Variants in FHAD1 observed in about 807,000 individuals in gnomAD.
FHAD1 encodes the protein forkhead-associated domain-containing protein 1.
A neutral mutation model predicts 191.3 loss-of-function variants in FHAD1; 146 were observed. The ratio of observed to expected loss-of-function variants is 0.76; its 90% confidence interval spans 0.67 to 0.88. FHAD1 has a LOEUF of 0.88. Among genes scored for constraint, FHAD1 ranks in the 40% least tolerant of loss-of-function variants. The pLI, the probability that FHAD1 is intolerant of heterozygous loss-of-function variation, is 0.00. For missense variants in FHAD1, 1,635 were observed against 1,785.8 expected (o/e 0.92, Z 1.52); for synonymous variants, 616 against 672.3 (o/e 0.92, Z 1.29).
At chr1:15,370,365 G>T (rs1014184474) in intron 26 of FHAD1, among the ~76,000 whole-genome samples, 5 of 152,304 alleles carry the variant, frequency 3.3e-5, no homozygotes, top group Middle Eastern at 3.4e-3. Flanking sequence ...TTACATAACA[G>T]TATTTAATGG....
In FHAD1 at chr1:15,301,222, G is replaced by T; in HGVS notation, c.696G>T (p.Leu232=). ...AQQDKDEIIL[L]LGKEVSRLSD... ...CTACCCAGGATGAAATAATTCTGCTGCTGGGAAAAGAGGTCAGCCGTCTCT... is the reference window on the plus strand; with the variant it reads ...CTACCCAGGATGAAATAATTCTGCTTCTGGGAAAAGAGGTCAGCCGTCTCT... The change falls in exon 6 of 34, where the codon CTG becomes CTT. Residue 232 remains leucine, a synonymous_variant. Transcript: ENST00000688493. 6.4e-7 allele frequency: 1 copy of T among 1,551,684 alleles called. No homozygotes were observed. The highest frequency in any genetic ancestry group is 8.7e-7 in the Non-Finnish European group (1 of 1,147,000).
At chr1:15,366,713 G>A (rs907938321) in intron 24 of FHAD1, among the ~76,000 whole-genome samples, 2 of 152,216 alleles carry the variant, frequency 1.3e-5, no homozygotes, top group African/African-American at 2.4e-5. Context: ...ACATGGACAT[G>A]AGTGGCCCCT....
downstream of FHAD1, chr1:15,400,081 C>T (rs538950472): frequency 6.6e-6 from 1 of 152,376 alleles, no homozygotes; most frequent in Admixed American, 6.5e-5. Flanking sequence ...TCTCCTTTCT[C>T]ACTCCTGGAG....
At chr1:15,361,778 C>T (rs900888087) in intron 22 of FHAD1, among the ~76,000 whole-genome samples, 8 of 150,568 alleles carry the variant, frequency 5.3e-5, no homozygotes, top group Non-Finnish European at 1.0e-4. Context: ...AGGCCGAGGC[C>T]GGCGGATCAC....
chr1:15,341,968 T>C, intron 16 of FHAD1, 80 bp downstream of exon 16: 1 of 1,284,608 alleles, frequency 7.8e-7, no homozygotes, highest in African/African-American at 1.5e-5. Context: ...GGGCATGTAC[T>C]TAGACAGAGA....
intron 2 of FHAD1, among the ~76,000 whole-genome samples, chr1:15,256,996 C>T (rs1648510965): frequency 6.6e-6 from 1 of 152,238 alleles, no homozygotes; most frequent in African/African-American, 2.4e-5. Context: ...TCTAACACAA[C>T]AGAACCATCC....
intron 3 of FHAD1, among the ~76,000 whole-genome samples, chr1:15,280,951 T>C (rs1573936046): frequency 6.6e-6 from 1 of 152,222 alleles, no homozygotes; most frequent in Non-Finnish European, 1.5e-5. Context: ...CCTTTTTGAA[T>C]AGCTCAAAGG....
chr1:15,355,581 C>T (rs1287336599), intron 20 of FHAD1, among the ~76,000 whole-genome samples: 1 of 152,214 alleles, frequency 6.6e-6, no homozygotes, highest in Non-Finnish European at 1.5e-5. Flanking sequence ...GGCAGCTTCA[C>T]AGCTCTTCAA....
At position 15,329,244 on chromosome 1, in the gene FHAD1, C is replaced by T. The variant is rs1481332589; in HGVS notation, c.1711-102C>T. On this transcript the variant is annotated intron_variant, in intron 13 of 33. Coordinates refer to ENST00000688493, the MANE Select transcript of FHAD1 (RefSeq NM_001391957.1). This position sits in a 1 kb window ranked among gnomAD's most constrained non-coding sequence, Gnocchi z 5.0. ...CCAAGGCGGCCAATACGTGGCGCTG[C>T]CTGCTTCGTGGCAGAGTCAAGAACG... The T allele has an allele frequency of 2.1e-6, 2 of 973,032 alleles. No homozygotes were observed. Among genetic ancestry groups the T allele is most frequent in the Non-Finnish European group, 2.9e-6 (2 of 685,698 alleles). The allele number at this position is 973,032 out of a possible 1,614,324, so 60.3% of individuals were successfully genotyped here.
chr1:15,249,608 C>T (rs998321431), intron 1 of FHAD1, among the ~76,000 whole-genome samples: 1 of 152,182 alleles, frequency 6.6e-6, no homozygotes, highest in Non-Finnish European at 1.5e-5. Context: ...TCGGAATTTA[C>T]AAACATAAAC....
At position 15,324,487 on chromosome 1, in the gene FHAD1, A is replaced by T; in HGVS notation, c.1401A>T (p.Lys467Asn). The T allele has an allele frequency of 6.4e-7, 1 of 1,552,244 alleles. No homozygotes were observed. The highest frequency in any genetic ancestry group is 8.7e-7 in the Non-Finnish European group (1 of 1,147,082). Residue 467 changes from lysine (K) to asparagine (N), a missense_variant, in exon 11 of 34, where the codon AAA becomes AAT. Coordinates refer to ENST00000688493, the MANE Select transcript of FHAD1 (RefSeq NM_001391957.1). ...EEKLQEDSRR[K>N]LLQLQEMGNR... ...AGCTTCAGGAGGATTCCAGAAGGAA[A>T]TTGCTTCAGCTGCAAGAAATGGGGA...
intron 3 of FHAD1, among the ~76,000 whole-genome samples, chr1:15,278,748 A>G (rs1349030374): frequency 6.6e-6 from 1 of 152,096 alleles, no homozygotes; most frequent in African/African-American, 2.4e-5. Context: ...TGCTGGGATT[A>G]CCCGCCTTCA....
At chr1:15,251,066 G>A (rs1646710242) in intron 1 of FHAD1, among the ~76,000 whole-genome samples, 1 of 152,048 alleles carries the variant, frequency 6.6e-6, no homozygotes, top group Non-Finnish European at 1.5e-5. Context: ...CAAGGCAGGA[G>A]GATTACTTGA....
At chr1:15,388,985 C>A (rs1703083080) in intron 32 of FHAD1, among the ~76,000 whole-genome samples, 1 of 152,134 alleles carries the variant, frequency 6.6e-6, no homozygotes, top group Non-Finnish European at 1.5e-5. Flanking sequence ...CTCTGCTCTC[C>A]AGTGCTCAGG....
At chr1:15,378,057 A>G (rs12087665) in intron 28 of FHAD1, among the ~76,000 whole-genome samples, 11,582 of 152,094 alleles carry the variant, frequency 0.076, 1,424 homozygotes, top group African/African-American at 0.26. Flanking sequence ...TAATCCCAAC[A>G]CTTTGGGAGG....
At chr1:15,372,316 G>A (rs1241522858) in intron 26 of FHAD1, among the ~76,000 whole-genome samples, 1 of 152,312 alleles carries the variant, frequency 6.6e-6, no homozygotes, top group East Asian at 1.9e-4. Context: ...CTGTTCCCCT[G>A]GTGGCAGTGT....
Position 15,382,087 on chromosome 1 carries a change from T to C in FHAD1, c.4082T>C (p.Ile1361Thr), listed in dbSNP as rs150415954. The C allele has an allele frequency of 8.4e-5, 131 of 1,552,072 alleles. No individual in the cohort carries two copies. In the East Asian group the frequency reaches 1.4e-3, roughly 16 times the overall value. The change falls in exon 31 of 34, where the codon ATC becomes ACC. Residue 1361 changes from isoleucine (I) to threonine (T), a missense_variant. By Grantham distance (89) the Ile-to-Thr change is moderately conservative. Coordinates refer to ENST00000688493, the MANE Select transcript of FHAD1 (RefSeq NM_001391957.1). ...CAGGTGGCAAAGCTGGAGGATGATA[T>C]CTACAAAGAGGCCGAAGAGAAGGCC... ...QSQVAKLEDD[I>T]YKEAEEKALL...
chr1:15,368,768 C>T (rs772326784), intron 25 of FHAD1, among the ~76,000 whole-genome samples: 1 of 152,236 alleles, frequency 6.6e-6, no homozygotes, highest in African/African-American at 2.4e-5. Flanking sequence ...ATAGTGAAAC[C>T]CTGTCTCTAC....
At chr1:15,340,031 G>A (rs1685894871) in intron 15 of FHAD1, among the ~76,000 whole-genome samples, 1 of 152,036 alleles carries the variant, frequency 6.6e-6, no homozygotes, top group African/African-American at 2.4e-5. Flanking sequence ...TCATTATGTT[G>A]GCCAGGCTGG....
Sources: gnomAD v4.1 joint callset for allele counts (sites outside exome capture counted in the v4.1 genomes callset) on GRCh38, gnomAD v4.1.1 for gene constraint, Gnocchi (gnomAD v3.1) non-coding constraint, MANE v1.5 for transcripts, NCBI Gene and HGNC (gene_info 2026-07-23, HGNC 2026-07-21) for gene names.